PPARG: variants seen among roughly 807,000 people sequenced by gnomAD.
PPARG encodes the protein peroxisome proliferator-activated receptor gamma.
In PPARG, 17 loss-of-function variants were observed where a neutral mutation model predicts 39.2. That is an observed-to-expected ratio of 0.43 (90% CI 0.30 to 0.65). PPARG has a LOEUF of 0.65. Among genes scored for constraint, PPARG ranks in the 30% least tolerant of loss-of-function variants. The probability of loss-of-function intolerance (pLI) is 0.13; values close to 1 mark genes in which losing one functional copy is unlikely to be tolerated. For missense variants in PPARG, 406 were observed against 585.9 expected (o/e 0.69, Z 3.17); for synonymous variants, 223 against 215.7 (o/e 1.03, Z -0.30).
intron 7 of PPARG, among the ~76,000 whole-genome samples, chr3:12,425,821 CT>C (rs1183553685): frequency 6.6e-6 from 1 of 152,198 alleles, no homozygotes; most frequent in Non-Finnish European, 1.5e-5. Context: ...CAGGGGGCCT[CT>C]AACCCCAGGG....
intron 2 of PPARG, among the ~76,000 whole-genome samples, chr3:12,326,714 T>G (rs958705986): frequency 4.0e-5 from 6 of 148,468 alleles, no homozygotes; most frequent in Non-Finnish European, 8.9e-5. Flanking sequence ...TTTAGAGTAT[T>G]TGTTTATGTG....
intron 2 of PPARG, among the ~76,000 whole-genome samples, chr3:12,332,884 T>C (rs1422555159): frequency 1.3e-5 from 2 of 152,002 alleles, no homozygotes; most frequent in African/African-American, 2.4e-5. Context: ...TTTTAAAAAT[T>C]GGCTGGGCAT....
chr3:12,370,347 T>TA, intron 2 of PPARG, among the ~76,000 whole-genome samples: 1 of 152,248 alleles, frequency 6.6e-6, no homozygotes, highest in East Asian at 1.9e-4. Flanking sequence ...GAAGGGGTAT[T>TA]AATCTTGACA....
At chr3:12,433,262 G>A (rs1429534880) in intron 7 of PPARG, among the ~76,000 whole-genome samples, 1 of 152,194 alleles carries the variant, frequency 6.6e-6, no homozygotes, top group Non-Finnish European at 1.5e-5. Flanking sequence ...TTCTGGCTGG[G>A]CACAGTGGCT....
intron 2 of PPARG, among the ~76,000 whole-genome samples, chr3:12,355,135 ATCT>A (rs1192710012): frequency 1.5e-4 from 23 of 152,036 alleles, no homozygotes; most frequent in South Asian, 4.1e-4. Context: ...ATTGACACAG[ATCT>A]TCTTTTTTTT....
intron 7 of PPARG, among the ~76,000 whole-genome samples, chr3:12,422,556 A>C (rs1011218868): frequency 2.0e-5 from 3 of 152,130 alleles, no homozygotes; most frequent in African/African-American, 7.2e-5. Context: ...AAAACTGCCT[A>C]TTTCCATATT....
chr3:12,358,800 C>T (rs2048745648), intron 2 of PPARG, among the ~76,000 whole-genome samples: 1 of 152,172 alleles, frequency 6.6e-6, no homozygotes, highest in Non-Finnish European at 1.5e-5. Context: ...ACAGTTAACT[C>T]AGGAGAAACC....
intron 2 of PPARG, among the ~76,000 whole-genome samples, chr3:12,326,875 T>C (rs1304594203): frequency 6.6e-6 from 1 of 152,150 alleles, no homozygotes; most frequent in Non-Finnish European, 1.5e-5. Context: ...ATTCAAACAT[T>C]GAGTGTTCAG....
At chr3:12,371,337 G>A (rs748766770) in intron 2 of PPARG, among the ~76,000 whole-genome samples, 14 of 152,044 alleles carry the variant, frequency 9.2e-5, no homozygotes, top group Non-Finnish European at 2.1e-4. Context: ...AACAGCAAAC[G>A]GCACAAAGCA....
intron 4 of PPARG, among the ~76,000 whole-genome samples, chr3:12,382,485 G>A (rs944036540): frequency 1.3e-5 from 2 of 151,984 alleles, no homozygotes; most frequent in African/African-American, 2.4e-5. Context: ...CTGCTTATTG[G>A]GCTTTTTATT....
intron 1 of PPARG, among the ~76,000 whole-genome samples, chr3:12,308,267 C>G (rs1351443523): frequency 6.8e-6 from 1 of 147,262 alleles, no homozygotes; most frequent in African/African-American, 2.5e-5. Flanking sequence ...TCACTTGAGC[C>G]TGGGTGGTTG....
At chr3:12,417,744 A>C (rs1001467658) in intron 7 of PPARG, among the ~76,000 whole-genome samples, 4 of 152,150 alleles carry the variant, frequency 2.6e-5, no homozygotes, top group Non-Finnish European at 5.9e-5. Context: ...TAAGAATGCA[A>C]TGTGAACCGA....
At chr3:12,326,279 G>T (rs2047691666) in intron 2 of PPARG, among the ~76,000 whole-genome samples, 2 of 152,194 alleles carry the variant, frequency 1.3e-5, no homozygotes, top group African/African-American at 4.8e-5. Flanking sequence ...GCCAAGATGA[G>T]CTGAGAAATG....
intron 1 of PPARG, among the ~76,000 whole-genome samples, chr3:12,296,273 A>AAAAAAAG (rs1175629029): frequency 6.6e-6 from 1 of 151,512 alleles, no homozygotes; most frequent in African/African-American, 2.4e-5. Flanking sequence ...AAAAAAAAAA[A>AAAAAAAG]AAAAAAGAAT....
At chr3:12,355,492 A>T (rs1261299629) in intron 2 of PPARG, among the ~76,000 whole-genome samples, 1 of 151,932 alleles carries the variant, frequency 6.6e-6, no homozygotes, top group East Asian at 1.9e-4. Flanking sequence ...CTTGAATATT[A>T]CTCTTGTCCA....
At chr3:12,379,585 G>C (rs1251219029) in intron 2 of PPARG, 119 bp from the exon 3 acceptor site, 1 of 887,150 alleles carries the variant, frequency 1.1e-6, no homozygotes, top group African/African-American at 1.7e-5. Context: ...TTCTGTTGTT[G>C]TGAGCGCCCA....
chr3:12,396,900 A>G (rs947741938), intron 5 of PPARG, among the ~76,000 whole-genome samples: 1 of 151,904 alleles, frequency 6.6e-6, no homozygotes, highest in Non-Finnish European at 1.5e-5. Flanking sequence ...TATTATTACT[A>G]TTTTTAGAGA....
At chr3:12,385,147 T>C (rs2049826517) in intron 4 of PPARG, among the ~76,000 whole-genome samples, 1 of 152,188 alleles carries the variant, frequency 6.6e-6, no homozygotes. Context: ...TGTGTTTAAC[T>C]CATCTGCATG....
chr3:12,316,469 G>C (rs979384178), intron 2 of PPARG, among the ~76,000 whole-genome samples: 4 of 152,120 alleles, frequency 2.6e-5, no homozygotes, highest in Admixed American at 2.6e-4. Flanking sequence ...GTGTTTAATG[G>C]GGACAGTTTC....
Sources: allele counts gnomAD v4.1 joint callset (sites outside exome capture counted in the v4.1 genomes callset), GRCh38; gene constraint gnomAD v4.1.1; transcripts MANE v1.5; gene names NCBI Gene and HGNC (gene_info 2026-07-23, HGNC 2026-07-21).